Variants in DIP2C observed in about 807,000 individuals in gnomAD.
The protein encoded by DIP2C is disco-interacting protein 2 homolog C.
DIP2C carries 33 observed loss-of-function variants against 192.4 expected under a neutral mutation model. The ratio of observed to expected loss-of-function variants is 0.17; its 90% CI spans 0.13 to 0.23. The LOEUF is 0.23. Among genes scored for constraint, DIP2C ranks in the 10% least tolerant of loss-of-function variants. The pLI is 1.00. For synonymous variants in DIP2C, 979 were observed against 864.1 expected, an observed-to-expected ratio of 1.13 and a Z score of -2.33; for missense variants, 1,537 against 2,110.1, an observed-to-expected ratio of 0.73 and a Z score of 5.32.
intron 1 of DIP2C, among the ~76,000 whole-genome samples, chr10:525,184 G>A (rs1180119042): frequency 6.6e-6 from 1 of 152,072 alleles, no homozygotes; most frequent in Non-Finnish European, 1.5e-5. Context: ...TTGTTTAAAT[G>A]TACTTAATTT....
At chr10:393,380 C>T (rs1466337293) in intron 10 of DIP2C, among the ~76,000 whole-genome samples, 1 of 152,172 alleles carries the variant, frequency 6.6e-6, no homozygotes, top group Non-Finnish European at 1.5e-5. Context: ...GACCAATAAG[C>T]TGCTACTTTC....
intron 1 of DIP2C, among the ~76,000 whole-genome samples, chr10:534,745 C>T (rs965499321): frequency 6.6e-6 from 1 of 150,662 alleles, no homozygotes; most frequent in Non-Finnish European, 1.5e-5. Context: ...GGCGCAATCT[C>T]GGCTCACTGC....
At chr10:479,232 A>C (rs1843402270) in intron 2 of DIP2C, among the ~76,000 whole-genome samples, 1 of 151,572 alleles carries the variant, frequency 6.6e-6, no homozygotes, top group African/African-American at 2.4e-5. Flanking sequence ...AAATTTAATA[A>C]TTTTCCTTGT....
intron 1 of DIP2C, among the ~76,000 whole-genome samples, chr10:618,106 G>A (rs1332347668): frequency 1.3e-5 from 2 of 152,186 alleles, no homozygotes; most frequent in Non-Finnish European, 2.9e-5. Flanking sequence ...CACATAAAAT[G>A]CTAAAAACCC....
intron 1 of DIP2C, among the ~76,000 whole-genome samples, chr10:498,548 GCTCT>G (rs1315187725): frequency 6.6e-6 from 1 of 152,224 alleles, no homozygotes; most frequent in African/African-American, 2.4e-5. Context: ...TGCCCAGGGG[GCTCT>G]CTCTTAGGGG....
chr10:581,207 T>C (rs1290537246), intron 1 of DIP2C, among the ~76,000 whole-genome samples: 4 of 152,212 alleles, frequency 2.6e-5, no homozygotes, highest in Non-Finnish European at 4.4e-5. Context: ...TCTAGTCTAC[T>C]TGTTTCCCTT....
At chr10:316,815 T>C (rs187693828) in intron 31 of DIP2C, among the ~76,000 whole-genome samples, 1 of 152,348 alleles carries the variant, frequency 6.6e-6, no homozygotes, top group Admixed American at 6.5e-5. Context: ...GCCATTTATG[T>C]TTTTTAAAAA....
chr10:587,061 G>A (rs561458331), intron 1 of DIP2C, among the ~76,000 whole-genome samples: 1 of 142,026 alleles, frequency 7.0e-6, no homozygotes, highest in South Asian at 2.2e-4. Flanking sequence ...CGTGGCGAGG[G>A]GCAAACAGTG....
intron 17 of DIP2C, among the ~76,000 whole-genome samples, chr10:371,552 C>CA (rs1452437259): frequency 3.9e-5 from 6 of 152,120 alleles, no homozygotes. Flanking sequence ...ACGATGGAGG[C>CA]AGAGACTGGA....
chr10:624,094 C>T (rs1006446151), intron 1 of DIP2C, among the ~76,000 whole-genome samples: 5 of 152,354 alleles, frequency 3.3e-5, no homozygotes, highest in Middle Eastern at 3.4e-3. Flanking sequence ...TGCGAGGACT[C>T]GGGAACTGCC....
At chr10:664,744 T>C (rs1244244725) in intron 1 of DIP2C, 5 of 152,196 alleles carry the variant, frequency 3.3e-5, no homozygotes, top group Non-Finnish European at 7.3e-5. Flanking sequence ...TTTTAAAATG[T>C]TAATGTATCA....
At chr10:283,129 G>A (rs1038446790) in intron 35 of DIP2C, 143 bp downstream of exon 35, 17 of 1,154,770 alleles carry the variant, frequency 1.5e-5, no homozygotes, top group South Asian at 7.7e-5. Flanking sequence ...TCTTAAACTC[G>A]GTTCTTTTCA....
At chr10:323,935 G>C (rs1454652403) in intron 31 of DIP2C, among the ~76,000 whole-genome samples, 1 of 152,140 alleles carries the variant, frequency 6.6e-6, no homozygotes, top group East Asian at 1.9e-4. Context: ...TCACCATCAG[G>C]TTTTTTTAAT....
In DIP2C at chr10:609,042, GTA is replaced by G. The variant is rs1311672893; in HGVS notation, c.85+80450_85+80451del. Among the ~76,000 whole-genome samples, 7 of 151,918 alleles carry G rather than the reference GTA, an allele frequency of 4.6e-5. No homozygotes were observed. The East Asian group carries it at 1.4e-3, about 30-fold the overall frequency. ...GCATGATTTTGTCATCACTTTACCA[GTA>G]TAGTCATATAAACAAAAGGAGTATC... On this transcript the variant is annotated intron_variant, in intron 1 of 36. Coordinates refer to ENST00000280886, the MANE Select transcript of DIP2C (RefSeq NM_014974.3).
At chr10:571,648 T>C (rs1158603449) in intron 1 of DIP2C, among the ~76,000 whole-genome samples, 1 of 152,238 alleles carries the variant, frequency 6.6e-6, no homozygotes, top group Non-Finnish European at 1.5e-5. Context: ...TTGCAATGAT[T>C]ATTCTTAATG....
intron 1 of DIP2C, among the ~76,000 whole-genome samples, chr10:673,664 T>G (rs1830750367): frequency 6.6e-6 from 1 of 152,170 alleles, no homozygotes; most frequent in Admixed American, 6.5e-5. Context: ...ATTCCTGTAC[T>G]CATGGGGCAT....
At chr10:527,255 G>C (rs1334025490) in intron 1 of DIP2C, among the ~76,000 whole-genome samples, 1 of 152,148 alleles carries the variant, frequency 6.6e-6, no homozygotes, top group Non-Finnish European at 1.5e-5. Context: ...TCACAAAACA[G>C]CACCTCTGAA....
chr10:528,337 G>A (rs2130848180), intron 1 of DIP2C, among the ~76,000 whole-genome samples: 1 of 151,394 alleles, frequency 6.6e-6, no homozygotes, highest in East Asian at 1.9e-4. Context: ...AGCTCCCCCA[G>A]AAAGCAGACC....
chr10:638,281 A>G (rs1291245241), intron 1 of DIP2C, among the ~76,000 whole-genome samples: 3 of 152,258 alleles, frequency 2.0e-5, no homozygotes, highest in South Asian at 2.1e-4. Context: ...AACCAGGGTG[A>G]TAAGTACTCA....
Sources: allele counts gnomAD v4.1 joint callset (sites outside exome capture counted in the v4.1 genomes callset), GRCh38; gene constraint gnomAD v4.1.1; transcripts MANE v1.5; gene names NCBI Gene and HGNC (gene_info 2026-07-23, HGNC 2026-07-21).